UNC13C: variants seen among roughly 807,000 people sequenced by gnomAD.
UNC13C encodes the protein protein unc-13 homolog C.
In UNC13C, 174 loss-of-function variants were observed where a neutral mutation model predicts 245.4. The ratio of observed to expected loss-of-function variants is 0.71; its 90% CI spans 0.63 to 0.80. The LOEUF is 0.80. UNC13C is among the 30% of genes least tolerant of loss of function. The pLI, the probability that UNC13C is intolerant of heterozygous loss-of-function variation, is 0.00. For missense variants in UNC13C, 2,829 were observed against 2,602.9 expected (o/e 1.09, Z -1.89); for synonymous variants, 992 against 895.1 (o/e 1.11, Z -1.93).
At chr15:54,123,676 C>T (rs575312741) in intron 2 of UNC13C, among the ~76,000 whole-genome samples, 38 of 152,120 alleles carry the variant, frequency 2.5e-4, no homozygotes, top group African/African-American at 7.9e-4. Context: ...CATCTCATTA[C>T]GTAGAGTACA....
chr15:54,072,092 C>T (rs1327852281), intron 2 of UNC13C, among the ~76,000 whole-genome samples: 1 of 152,094 alleles, frequency 6.6e-6, no homozygotes, highest in African/African-American at 2.4e-5. Context: ...ATTACTTTTC[C>T]CATAGACTTT....
intron 17 of UNC13C, among the ~76,000 whole-genome samples, chr15:54,372,488 C>G (rs1441776793): frequency 6.6e-6 from 1 of 152,146 alleles, no homozygotes; most frequent in Non-Finnish European, 1.5e-5. Flanking sequence ...TAACATCAGT[C>G]TCCAAAAATA....
At chr15:54,229,261 T>C (rs2035481892) in intron 4 of UNC13C, among the ~76,000 whole-genome samples, 1 of 152,188 alleles carries the variant, frequency 6.6e-6, no homozygotes, top group African/African-American at 2.4e-5. Flanking sequence ...AATTATACGG[T>C]GTCATTCCGA....
intron 1 of UNC13C, among the ~76,000 whole-genome samples, chr15:53,979,866 C>A (rs12439761): frequency 0.12 from 18,886 of 152,070 alleles, 1,512 homozygotes; most frequent in East Asian, 0.29. Flanking sequence ...ATCTTACCAC[C>A]TTTTGCTCAT....
chr15:54,358,131 G>A, intron 17 of UNC13C, among the ~76,000 whole-genome samples: 1 of 152,018 alleles, frequency 6.6e-6, no homozygotes, highest in Non-Finnish European at 1.5e-5. Context: ...TTGGCTGTAA[G>A]TGTGTGGATT....
intron 2 of UNC13C, among the ~76,000 whole-genome samples, chr15:54,030,945 G>T (rs1179693671): frequency 2.0e-5 from 3 of 152,094 alleles, no homozygotes; most frequent in Non-Finnish European, 4.4e-5. Flanking sequence ...GTTTCAGCAT[G>T]AATTTGAGAG....
chr15:54,506,339 A>G (rs989436942), intron 22 of UNC13C, among the ~76,000 whole-genome samples: 3 of 152,210 alleles, frequency 2.0e-5, no homozygotes, highest in African/African-American at 7.2e-5. Context: ...AGTATTTCAT[A>G]GGTAAGTCCA....
the UNC13C span, among the ~76,000 whole-genome samples, chr15:53,897,574 C>G: frequency 2.6e-5 from 4 of 152,300 alleles, no homozygotes; most frequent in South Asian, 4.1e-4. Flanking sequence ...GCCATGGAAC[C>G]TGGCTATACA....
At chr15:54,476,490 G>A (rs959988898) in intron 19 of UNC13C, among the ~76,000 whole-genome samples, 29 of 151,462 alleles carry the variant, frequency 1.9e-4, no homozygotes, top group African/African-American at 5.1e-4. Context: ...TTTGTATAAG[G>A]TGTAAGGAAG....
chr15:54,208,388 A>G (rs971756395), intron 4 of UNC13C, among the ~76,000 whole-genome samples: 1 of 152,148 alleles, frequency 6.6e-6, no homozygotes, highest in African/African-American at 2.4e-5. Flanking sequence ...GTATGTAGCT[A>G]TAACAGTACC....
chr15:54,069,040 G>A (rs1024084332), intron 2 of UNC13C, among the ~76,000 whole-genome samples: 1 of 152,176 alleles, frequency 6.6e-6, no homozygotes, highest in Non-Finnish European at 1.5e-5. Context: ...GTGATACTCA[G>A]TATATATTCA....
chr15:54,025,770 G>C (rs1293311058), intron 2 of UNC13C, among the ~76,000 whole-genome samples: 1 of 152,166 alleles, frequency 6.6e-6, no homozygotes, highest in Non-Finnish European at 1.5e-5. Flanking sequence ...CAAACGATCA[G>C]ATCTTTCTCC....
At chr15:54,114,944 C>A (rs1400908329) in intron 2 of UNC13C, among the ~76,000 whole-genome samples, 1 of 151,988 alleles carries the variant, frequency 6.6e-6, no homozygotes, top group Non-Finnish European at 1.5e-5. Flanking sequence ...AGCATCTTTT[C>A]CTTTGTTTTT....
chr15:54,489,540 A>G (rs1893599333), intron 19 of UNC13C, among the ~76,000 whole-genome samples: 1 of 152,330 alleles, frequency 6.6e-6, no homozygotes, highest in East Asian at 1.9e-4. Flanking sequence ...AAGAAGCAGG[A>G]AATTAGAAAG....
chr15:54,063,609 C>T (rs1479006228), intron 2 of UNC13C, among the ~76,000 whole-genome samples: 1 of 151,966 alleles, frequency 6.6e-6, no homozygotes, highest in Non-Finnish European at 1.5e-5. Context: ...TGGTATTTTT[C>T]CAGCAATAGC....
chr15:54,228,526 G>A (rs1031349982), intron 4 of UNC13C, among the ~76,000 whole-genome samples: 3 of 152,124 alleles, frequency 2.0e-5, no homozygotes, highest in South Asian at 2.1e-4. Context: ...ACCTGGCTAC[G>A]GCTCCTGATT....
the UNC13C span, among the ~76,000 whole-genome samples, chr15:53,905,774 C>G: frequency 6.6e-6 from 1 of 152,016 alleles, no homozygotes; most frequent in African/African-American, 2.4e-5. Context: ...ATGTTCTCAC[C>G]ACACACACAA....
At chr15:54,285,294 G>C (rs1222282173) in intron 10 of UNC13C, among the ~76,000 whole-genome samples, 1 of 151,506 alleles carries the variant, frequency 6.6e-6, no homozygotes, top group Admixed American at 6.6e-5. Context: ...TAACTAAATT[G>C]CTCCTGTTAA....
intron 4 of UNC13C, among the ~76,000 whole-genome samples, chr15:54,221,456 A>G (rs191571086): frequency 2.6e-4 from 39 of 151,726 alleles, no homozygotes; most frequent in Admixed American, 2.5e-3. Flanking sequence ...TATGGAGTCT[A>G]TAATAGTCAT....
Sources: allele counts gnomAD v4.1 joint callset (sites outside exome capture counted in the v4.1 genomes callset), GRCh38; gene constraint gnomAD v4.1.1; transcripts MANE v1.5; gene names NCBI Gene and HGNC (gene_info 2026-07-23, HGNC 2026-07-21).